SLC36A4: variants seen among roughly 807,000 people sequenced by gnomAD.
The protein encoded by SLC36A4 is neutral amino acid uniporter 4.
SLC36A4 carries 49 observed loss-of-function variants against 50.5 expected under a neutral mutation model. The ratio of observed to expected loss-of-function variants is 0.97; its 90% CI spans 0.77 to 1.23. The LOEUF (loss-of-function observed/expected upper bound fraction) is 1.23, where lower values mean the gene tolerates loss of function less well. Among genes scored for constraint, SLC36A4 ranks in the 50% most tolerant of loss-of-function variants. The pLI is 0.00. For missense variants in SLC36A4, 611 were observed against 608.4 expected, an observed-to-expected ratio of 1.00 and a Z score of -0.05; for synonymous variants, 207 against 206.5, an observed-to-expected ratio of 1.00 and a Z score of -0.02.
At chr11:93,171,495 G>A (rs1313024465) in intron 6 of SLC36A4, 1 of 152,060 alleles carries the variant, frequency 6.6e-6, no homozygotes, top group Non-Finnish European at 1.5e-5. Context: ...CATGTTTTGT[G>A]AGACTGCGTT....
intron 6 of SLC36A4, among the ~76,000 whole-genome samples, chr11:93,175,426 G>C (rs1471049513): frequency 2.0e-5 from 3 of 150,660 alleles, no homozygotes; most frequent in Non-Finnish European, 4.4e-5. Context: ...TTTTTGAAGG[G>C]TTTTTTGTGT....
chr11:93,171,938 G>A (rs957272595), intron 6 of SLC36A4: 1 of 152,054 alleles, frequency 6.6e-6, no homozygotes, highest in African/African-American at 2.4e-5. Flanking sequence ...TCTAATTACT[G>A]TTACTCTTTT....
In SLC36A4 at chr11:93,147,792, T is replaced by G. The variant is rs1308528788; in HGVS notation, c.*745A>C. 6.6e-6 allele frequency: 1 copy of G among 152,130 alleles called. No individual in the cohort carries two copies. Among genetic ancestry groups the G allele is most frequent in the Non-Finnish European group, 1.5e-5 (1 of 68,016 alleles). 9.4% of individuals were successfully genotyped at this position (152,130 alleles called of 1,614,324 possible). A position where few individuals can be genotyped will look rare whatever the true frequency, so the allele number is the denominator to read the frequency against. ...TTCTTGATCTCAAGGCTGAGTGGTCTCGACCAAGTTACTTAACCTTTCTAG... is the reference window on the plus strand; with the variant it reads ...TTCTTGATCTCAAGGCTGAGTGGTCGCGACCAAGTTACTTAACCTTTCTAG... On this transcript the variant is annotated 3_prime_UTR_variant, in exon 11 of 11. Coordinates refer to ENST00000326402, the MANE Select transcript of SLC36A4 (RefSeq NM_152313.4).
intron 3 of SLC36A4, among the ~76,000 whole-genome samples, chr11:93,183,888 C>T (rs931005296): frequency 4.6e-5 from 7 of 151,924 alleles, no homozygotes; most frequent in South Asian, 2.1e-4. Context: ...TTAGTAGAGA[C>T]GGGGTTTCAC....
intron 6 of SLC36A4, among the ~76,000 whole-genome samples, chr11:93,173,943 T>A (rs1861321596): frequency 1.4e-5 from 2 of 143,894 alleles, no homozygotes; most frequent in East Asian, 4.2e-4. Context: ...CTTTTTTGGT[T>A]CCATATGAAC....
At chr11:93,169,924 A>G (rs1486350890) in intron 6 of SLC36A4, among the ~76,000 whole-genome samples, 1 of 152,108 alleles carries the variant, frequency 6.6e-6, no homozygotes, top group African/African-American at 2.4e-5. Flanking sequence ...TCTAACAAGG[A>G]TAACTGGCAA....
At chr11:93,160,263 G>C in intron 9 of SLC36A4, 1 of 985,364 alleles carries the variant, frequency 1.0e-6, no homozygotes, top group Non-Finnish European at 1.2e-6. Flanking sequence ...ACAGTGCAAA[G>C]GCATTAACCA....
At chr11:93,173,255 T>C (rs1184349276) in intron 6 of SLC36A4, among the ~76,000 whole-genome samples, 1 of 150,854 alleles carries the variant, frequency 6.6e-6, no homozygotes, top group Non-Finnish European at 1.5e-5. Context: ...TTTTGAGAAG[T>C]GTCCGTTCAT....
At chr11:93,185,837 A>G in intron 1 of SLC36A4, 23 bp from the exon 2 acceptor site, 1 of 1,554,648 alleles carries the variant, frequency 6.4e-7, no homozygotes. Flanking sequence ...AAAACAAAGT[A>G]CTTCACTATT....
At chr11:93,176,171 C>T (rs898759922) in intron 6 of SLC36A4, among the ~76,000 whole-genome samples, 1 of 151,946 alleles carries the variant, frequency 6.6e-6, no homozygotes, top group Non-Finnish European at 1.5e-5. Flanking sequence ...GTTAGCTCTT[C>T]TTGTTGAATT....
intron 10 of SLC36A4, among the ~76,000 whole-genome samples, chr11:93,153,449 C>G (rs113400738): frequency 1.3e-5 from 2 of 151,998 alleles, no homozygotes; most frequent in Non-Finnish European, 2.9e-5. Context: ...AAGAGGGGCT[C>G]AACAATGGCA....
At position 93,144,208 on chromosome 11, in the gene SLC36A4, G is replaced by C. The variant is rs1009873511; in HGVS notation, c.*4329C>G. 1.3e-5 allele frequency: 2 copies of C among 151,910 alleles called. No individual in the cohort carries two copies. The highest frequency in any genetic ancestry group is 2.9e-5 in the Non-Finnish European group (2 of 67,940). 9.4% of individuals were successfully genotyped at this position (151,910 alleles called of 1,614,324 possible). On this transcript the variant is annotated 3_prime_UTR_variant, in exon 11 of 11. Transcript: ENST00000326402. Reference sequence around the variant, plus strand: ...AATATTTTATTGAAAATTCAGAAAAGTTACAACACTTTAAGACAGCGTTTT... The same window carrying C: ...AATATTTTATTGAAAATTCAGAAAACTTACAACACTTTAAGACAGCGTTTT...
chr11:93,196,222 C>A (rs1055121160), intron 1 of SLC36A4, among the ~76,000 whole-genome samples: 3 of 152,134 alleles, frequency 2.0e-5, no homozygotes, highest in Non-Finnish European at 4.4e-5. Flanking sequence ...TAAAACTATA[C>A]CACAATTTAA....
chr11:93,158,067 A>T (rs1860447040), intron 9 of SLC36A4, among the ~76,000 whole-genome samples: 1 of 152,218 alleles, frequency 6.6e-6, no homozygotes. Context: ...TACACATCAC[A>T]ATTAGGAAGG....
intron 8 of SLC36A4, among the ~76,000 whole-genome samples, chr11:93,163,775 C>CATGTATGTATGTATGTATGT (rs71305387): frequency 8.6e-4 from 129 of 150,484 alleles, no homozygotes; most frequent in East Asian, 2.4e-3. Context: ...CTAGGATTCT[C>CATGTATGTATGTATGTATGT]ATGTATGTAT....
chr11:93,161,399 CAT>C (rs1484236801), intron 9 of SLC36A4, among the ~76,000 whole-genome samples: 2 of 152,162 alleles, frequency 1.3e-5, no homozygotes, highest in Admixed American at 6.5e-5. Flanking sequence ...ACATTTGAGA[CAT>C]GTTTCCATTT....
At chr11:93,190,820 C>A (rs1266913855) in intron 1 of SLC36A4, among the ~76,000 whole-genome samples, 1 of 152,128 alleles carries the variant, frequency 6.6e-6, no homozygotes, top group Non-Finnish European at 1.5e-5. Context: ...GCAACCTCCG[C>A]CTCCCAGTAA....
chr11:93,196,569 T>G (rs1265726214), intron 1 of SLC36A4, among the ~76,000 whole-genome samples: 1 of 152,186 alleles, frequency 6.6e-6, no homozygotes, highest in East Asian at 1.9e-4. Context: ...GGTTTCACCG[T>G]GTTAGCCAGG....
intron 1 of SLC36A4, among the ~76,000 whole-genome samples, chr11:93,191,641 G>C (rs1246403469): frequency 6.6e-6 from 1 of 152,146 alleles, no homozygotes; most frequent in Non-Finnish European, 1.5e-5. Context: ...GGAATTCCCT[G>C]AAAGACATAT....
Sources: allele counts gnomAD v4.1 joint callset (sites outside exome capture counted in the v4.1 genomes callset), GRCh38; gene constraint gnomAD v4.1.1; transcripts MANE v1.5; gene names NCBI Gene and HGNC (gene_info 2026-07-23, HGNC 2026-07-21).